The following ADAM9 variants were observed in gnomAD, a reference collection of about 807,000 sequenced individuals.
The protein encoded by ADAM9 is ADAM metallopeptidase domain 9.
In ADAM9, 54 loss-of-function variants were observed where a neutral mutation model predicts 108.1. That is an observed-to-expected ratio of 0.50 (90% CI 0.40 to 0.63). ADAM9 has a LOEUF of 0.63. Among genes scored for constraint, ADAM9 ranks in the 20% least tolerant of loss-of-function variants. ADAM9 has a pLI of 0.00. For synonymous variants in ADAM9, 316 were observed against 336.0 expected, an observed-to-expected ratio of 0.94 and a Z score of 0.65; for missense variants, 830 against 997.7, an observed-to-expected ratio of 0.83 and a Z score of 2.26.
chr8:39,068,751 G>A (rs1392486841), intron 14 of ADAM9, among the ~76,000 whole-genome samples: 1 of 149,262 alleles, frequency 6.7e-6, no homozygotes, highest in Non-Finnish European at 1.5e-5. Flanking sequence ...GAAACAGGAG[G>A]TGAGGGAAAA....
At chr8:39,103,501 C>T (rs2129443681) in intron 21 of ADAM9, 106 bp from the exon 22 acceptor site, 2 of 1,094,292 alleles carry the variant, frequency 1.8e-6, no homozygotes, top group East Asian at 2.4e-5. Flanking sequence ...GTACCCTTTC[C>T]TGTTGTCAGA....
intron 18 of ADAM9, among the ~76,000 whole-genome samples, chr8:39,087,950 CTGTTA>C (rs1309850065): frequency 2.6e-5 from 4 of 151,998 alleles, no homozygotes; most frequent in African/African-American, 4.8e-5. Context: ...TAGATTTTGT[CTGTTA>C]TATGTATTAT....
chr8:39,028,867 G>GA (rs1265768732), intron 11 of ADAM9, among the ~76,000 whole-genome samples: 2 of 152,090 alleles, frequency 1.3e-5, no homozygotes, highest in African/African-American at 4.8e-5. Flanking sequence ...GGAGGGTGGT[G>GA]AAACAACAGA....
intron 1 of ADAM9, among the ~76,000 whole-genome samples, chr8:39,003,890 T>A (rs1157383106): frequency 1.3e-5 from 2 of 152,184 alleles, no homozygotes; most frequent in Non-Finnish European, 2.9e-5. Flanking sequence ...AAAAGTTACG[T>A]ATAATCTTCC....
intron 16 of ADAM9, among the ~76,000 whole-genome samples, chr8:39,078,379 A>AAAAT (rs1554584723): frequency 6.6e-6 from 1 of 151,270 alleles, no homozygotes; most frequent in Non-Finnish European, 1.5e-5. Flanking sequence ...AAAAAAAAAA[A>AAAAT]TTGTGCTGAA....
chr8:39,082,497 A>G, intron 16 of ADAM9, 144 bp from the exon 17 acceptor site: 1 of 612,996 alleles, frequency 1.6e-6, no homozygotes, highest in Non-Finnish European at 2.8e-6. Context: ...TGCATTTTTA[A>G]AAATATAATA....
At chr8:39,008,520 C>T (rs1000719359) in intron 2 of ADAM9, among the ~76,000 whole-genome samples, 15 of 152,028 alleles carry the variant, frequency 9.9e-5, no homozygotes, top group African/African-American at 3.4e-4. Flanking sequence ...CGAAACATAA[C>T]AGAATAGAAT....
intron 20 of ADAM9, among the ~76,000 whole-genome samples, chr8:39,094,164 A>G (rs1839433285): frequency 6.6e-6 from 1 of 152,216 alleles, no homozygotes; most frequent in African/African-American, 2.4e-5. Flanking sequence ...TCTTAAAATG[A>G]TCACATGGTT....
chr8:39,084,441 A>T (rs1385351877), intron 18 of ADAM9, among the ~76,000 whole-genome samples: 2 of 150,378 alleles, frequency 1.3e-5, no homozygotes, highest in African/African-American at 4.9e-5. Context: ...ATACCTTCTA[A>T]TATGCTTTTT....
chr8:39,058,950 C>T (rs1433614018), intron 14 of ADAM9, among the ~76,000 whole-genome samples: 2 of 152,164 alleles, frequency 1.3e-5, no homozygotes, highest in African/African-American at 4.8e-5. Context: ...TTTTGGAGAA[C>T]CTTGCCCCAG....
At chr8:39,033,203 A>G (rs1837153660) in intron 11 of ADAM9, among the ~76,000 whole-genome samples, 1 of 152,176 alleles carries the variant, frequency 6.6e-6, no homozygotes, top group Non-Finnish European at 1.5e-5. Flanking sequence ...TTATGTTTTT[A>G]ATTTCAAATT....
intron 19 of ADAM9, among the ~76,000 whole-genome samples, chr8:39,090,445 G>A (rs1839317381): frequency 2.0e-5 from 3 of 152,088 alleles, no homozygotes; most frequent in African/African-American, 7.2e-5. Context: ...AGGGATTACT[G>A]GAGTGAGCCT....
chr8:39,040,126 T>A, intron 11 of ADAM9, among the ~76,000 whole-genome samples: 1 of 152,034 alleles, frequency 6.6e-6, no homozygotes, highest in South Asian at 2.1e-4. Context: ...CTCGGCTCAC[T>A]ACAACCTCTG....
At chr8:39,101,030 C>A (rs753807941) in intron 20 of ADAM9, among the ~76,000 whole-genome samples, 1 of 152,120 alleles carries the variant, frequency 6.6e-6, no homozygotes, top group Non-Finnish European at 1.5e-5. Flanking sequence ...TAGTTAGATA[C>A]TGTATAGGTT....
intron 9 of ADAM9, among the ~76,000 whole-genome samples, 189 bp from the exon 10 acceptor site, chr8:39,025,614 T>C (rs1432317437): frequency 1.3e-5 from 2 of 152,106 alleles, no homozygotes; most frequent in Admixed American, 6.5e-5. Context: ...AGTGTCTTCA[T>C]TTGTCTGAAA....
intron 15 of ADAM9, among the ~76,000 whole-genome samples, chr8:39,073,442 T>G (rs1303670207): frequency 6.6e-6 from 1 of 152,222 alleles, no homozygotes; most frequent in African/African-American, 2.4e-5. Flanking sequence ...TTCTGGAATA[T>G]TCTTTTGAAG....
chr8:39,083,385 C>T (rs937914520), intron 18 of ADAM9, among the ~76,000 whole-genome samples: 14 of 152,182 alleles, frequency 9.2e-5, no homozygotes, highest in African/African-American at 3.4e-4. Context: ...TTGTCAGCGT[C>T]TTGCTTTAAT....
At chr8:39,064,054 A>T (rs1838381371) in intron 14 of ADAM9, among the ~76,000 whole-genome samples, 1 of 152,178 alleles carries the variant, frequency 6.6e-6, no homozygotes, top group South Asian at 2.1e-4. Context: ...TACTTTGTCC[A>T]GTAAAATAAG....
Position 39,011,660 on chromosome 8 carries a change from A to G in ADAM9, c.198A>G (p.Val66=), listed in dbSNP as rs759947958. ...CTTTTCCCCTTCTGTGCATTTAGGT[A>G]TCTTATGTTATTCAGGCTGAAGGAA... ...REAPRPYSKQ[V]SYVIQAEGKE... is the part of the protein sequence containing the mutation. The change falls in exon 3 of 22, where the codon GTA becomes GTG. Residue 66 remains valine, a splice_region_variant and synonymous_variant. Coordinates refer to ENST00000487273, the MANE Select transcript of ADAM9 (RefSeq NM_003816.3). The G allele has an allele frequency of 1.2e-6, 2 of 1,608,864 alleles. No individual in the cohort carries two copies. Among genetic ancestry groups the G allele is most frequent in the South Asian group, 2.2e-5 (2 of 90,962 alleles).
Sources: allele counts gnomAD v4.1 joint callset (sites outside exome capture counted in the v4.1 genomes callset), GRCh38; gene constraint gnomAD v4.1.1; transcripts MANE v1.5; gene names NCBI Gene and HGNC (gene_info 2026-07-23, HGNC 2026-07-21).